Variants in ST7L observed in about 807,000 individuals in gnomAD.
ST7L encodes suppression of tumorigenicity 7 like.
A neutral mutation model predicts 72.5 loss-of-function variants in ST7L; 57 were observed. The observed-to-expected ratio is 0.79, with a 90% CI of 0.64 to 0.98. ST7L has a LOEUF of 0.98. Ranked by LOEUF, ST7L falls within the 50% of genes least tolerant of loss-of-function variation. The pLI is 0.00. For missense variants in ST7L, 576 were observed against 672.2 expected (o/e 0.86, Z 1.58); for synonymous variants, 221 against 240.9 (o/e 0.92, Z 0.77).
intron 12 of ST7L, among the ~76,000 whole-genome samples, chr1:112,552,978 T>G (rs1356435532): frequency 6.6e-6 from 1 of 151,492 alleles, no homozygotes; most frequent in Non-Finnish European, 1.5e-5. Flanking sequence ...CATACACTTA[T>G]TGAAAACCTA....
intron 11 of ST7L, among the ~76,000 whole-genome samples, chr1:112,557,001 C>CAAAGAA (rs1659302053): frequency 2.0e-5 from 2 of 97,816 alleles, no homozygotes; most frequent in South Asian, 6.1e-4. Flanking sequence ...AAAAAAAACA[C>CAAAGAA]AAAGAAAAGA....
the ST7L span, chr1:112,517,998 C>G: frequency 1.3e-5 from 2 of 152,538 alleles, no homozygotes; most frequent in Non-Finnish European, 2.9e-5. Flanking sequence ...GGTAAAGGTT[C>G]TCTCTAAGGG....
chr1:112,534,472 A>C (rs941416026), intron 14 of ST7L, among the ~76,000 whole-genome samples: 1 of 152,200 alleles, frequency 6.6e-6, no homozygotes. Context: ...TGAGGATATA[A>C]GTATAATCTC....
At chr1:112,568,887 T>TATATATAAAA (rs1308318369) in intron 11 of ST7L, among the ~76,000 whole-genome samples, 9 of 131,536 alleles carry the variant, frequency 6.8e-5, no homozygotes, top group East Asian at 4.9e-4. Flanking sequence ...TATATATATA[T>TATATATAAAA]AAAACAAAAA....
intron 14 of ST7L, chr1:112,529,062 C>T (rs1381139176): frequency 1.3e-5 from 2 of 152,178 alleles, no homozygotes; most frequent in Admixed American, 1.3e-4. Context: ...AGGATAAAAA[C>T]CATAAGGGCA....
At chr1:112,604,065 T>A (rs554489471) in intron 3 of ST7L, among the ~76,000 whole-genome samples, 9 of 152,242 alleles carry the variant, frequency 5.9e-5, no homozygotes, top group African/African-American at 2.2e-4. Context: ...CCCAGCACTT[T>A]GGGAGGCCAA....
At chr1:112,547,527 T>G (rs1657302134) in intron 13 of ST7L, among the ~76,000 whole-genome samples, 1 of 148,308 alleles carries the variant, frequency 6.7e-6, no homozygotes, top group Non-Finnish European at 1.5e-5. Context: ...TCCATACATG[T>G]AGCACTTAAC....
intron 2 of ST7L, among the ~76,000 whole-genome samples, chr1:112,615,643 C>T (rs538824713): frequency 2.6e-5 from 4 of 152,198 alleles, no homozygotes; most frequent in Admixed American, 2.6e-4. Context: ...CTGTGAATAT[C>T]GACTGTACTC....
intron 11 of ST7L, among the ~76,000 whole-genome samples, chr1:112,568,319 A>G (rs1661369551): frequency 6.7e-6 from 1 of 150,138 alleles, no homozygotes; most frequent in African/African-American, 2.5e-5. Flanking sequence ...TCAATGGTCT[A>G]CTGTAATAAT....
Position 112,525,861 on chromosome 1 carries a change from C to A in ST7L, c.*152G>T. 1 of 1,075,522 alleles carries A rather than the reference C, an allele frequency of 9.3e-7. No individual in the cohort carries two copies. The highest frequency in any genetic ancestry group is 1.3e-6 in the Non-Finnish European group (1 of 782,814). 66.6% of individuals were successfully genotyped at this position (1,075,522 alleles called of 1,614,324 possible). A position where few individuals can be genotyped will look rare whatever the true frequency, so the allele number is the denominator to read the frequency against. ...CCAAGGGGGGTTTGCCTAGGAATAA[C>A]AATATTCATAAGAAGCTTTTTCATA... is the stretch of plus-strand genomic sequence containing the variant. On this transcript the variant is annotated 3_prime_UTR_variant, in exon 15 of 15. Transcript: ENST00000358039.
chr1:112,531,771 TTA>T (rs1474144280), intron 14 of ST7L, among the ~76,000 whole-genome samples: 2 of 152,236 alleles, frequency 1.3e-5, no homozygotes, highest in Non-Finnish European at 2.9e-5. Flanking sequence ...CAAAGACCTG[TTA>T]TATGTTATAG....
intron 14 of ST7L, chr1:112,539,150 T>C (rs1159634715): frequency 6.6e-6 from 1 of 152,182 alleles, no homozygotes; most frequent in Admixed American, 6.5e-5. Flanking sequence ...AATGTATATA[T>C]AGGATCACCT....
chr1:112,587,105 T>C (rs1448586744), intron 6 of ST7L, among the ~76,000 whole-genome samples: 1 of 152,202 alleles, frequency 6.6e-6, no homozygotes, highest in Non-Finnish European at 1.5e-5. Flanking sequence ...AAGGTGATGA[T>C]GATTTGTCCC....
intron 13 of ST7L, among the ~76,000 whole-genome samples, chr1:112,547,383 G>A (rs1657268389): frequency 6.6e-6 from 1 of 151,642 alleles, no homozygotes. Flanking sequence ...AGTAGAGATG[G>A]GGTTTTGCCA....
chr1:112,532,346 AAC>A (rs1315100124), intron 14 of ST7L, among the ~76,000 whole-genome samples: 7 of 152,238 alleles, frequency 4.6e-5, no homozygotes, highest in African/African-American at 1.7e-4. Flanking sequence ...ATAGGAGTCT[AAC>A]AACACTGTCG....
At chr1:112,573,349 A>C (rs1194335406) in intron 11 of ST7L, among the ~76,000 whole-genome samples, 47 of 46,494 alleles carry the variant, frequency 1.0e-3, no homozygotes, top group Middle Eastern at 8.3e-3. Flanking sequence ...ACTCCCTCTC[A>C]AAAAAAAAAA....
At chr1:112,561,225 A>G (rs1230412099) in intron 11 of ST7L, among the ~76,000 whole-genome samples, 4 of 151,572 alleles carry the variant, frequency 2.6e-5, no homozygotes, top group Non-Finnish European at 5.9e-5. Context: ...CAGAAATGGA[A>G]ACATAACAGA....
intron 11 of ST7L, among the ~76,000 whole-genome samples, chr1:112,556,762 A>C (rs965093338): frequency 6.6e-6 from 1 of 151,878 alleles, no homozygotes; most frequent in Non-Finnish European, 1.5e-5. Flanking sequence ...GAGGTCAGGA[A>C]ATCGAGATCA....
chr1:112,550,338 A>T (rs1212090914), intron 13 of ST7L, among the ~76,000 whole-genome samples: 2 of 152,108 alleles, frequency 1.3e-5, no homozygotes, highest in African/African-American at 4.8e-5. Flanking sequence ...GATTGGCACT[A>T]TTTCTTTTCT....
Sources: allele counts gnomAD v4.1 joint callset (sites outside exome capture counted in the v4.1 genomes callset), GRCh38; gene constraint gnomAD v4.1.1; transcripts MANE v1.5; gene names NCBI Gene and HGNC (gene_info 2026-07-23, HGNC 2026-07-21).